Variants in PBX1 observed in about 807,000 individuals in gnomAD.
The protein encoded by PBX1 is pre-B-cell leukemia transcription factor 1.
A neutral mutation model predicts 53.4 loss-of-function variants in PBX1; 6 were observed. The observed-to-expected ratio is 0.11, with a 90% confidence interval of 0.06 to 0.22. PBX1 has a LOEUF of 0.22. PBX1 is among the 10% of genes least tolerant of loss of function. The probability of loss-of-function intolerance (pLI) is 1.00; values close to 1 mark genes in which losing one functional copy is unlikely to be tolerated. For synonymous variants in PBX1, 204 were observed against 212.3 expected, an observed-to-expected ratio of 0.96 and a Z score of 0.34; for missense variants, 251 against 551.4, an observed-to-expected ratio of 0.46 and a Z score of 5.46.
At chr1:164,855,575 A>G (rs1052136486), downstream of PBX1, among the ~76,000 whole-genome samples, 1 of 152,230 alleles carries the variant, frequency 6.6e-6, no homozygotes, top group African/African-American at 2.4e-5. Context: ...AGACTCCTAC[A>G]GCACAATTAC....
intron 4 of PBX1, among the ~76,000 whole-genome samples, chr1:164,805,840 A>T (rs1669320370): frequency 6.6e-6 from 1 of 152,154 alleles, no homozygotes; most frequent in Admixed American, 6.6e-5. Context: ...ACTCAGCATG[A>T]TTTAGGAGAG....
At chr1:164,644,094 A>C (rs1398481301) in intron 2 of PBX1, among the ~76,000 whole-genome samples, 1 of 152,092 alleles carries the variant, frequency 6.6e-6, no homozygotes, top group East Asian at 1.9e-4. Flanking sequence ...TGATGTCCCT[A>C]GTTTCTATGT....
chr1:164,610,655 G>A (rs374830055), intron 2 of PBX1, among the ~76,000 whole-genome samples: 2 of 152,174 alleles, frequency 1.3e-5, no homozygotes, highest in Non-Finnish European at 2.9e-5. Flanking sequence ...GTGTCCCTGT[G>A]TTCTCTGGTT....
chr1:164,646,133 T>C (rs1659440810), intron 2 of PBX1, among the ~76,000 whole-genome samples: 1 of 152,236 alleles, frequency 6.6e-6, no homozygotes, highest in South Asian at 2.1e-4. Context: ...CTTTTCTTGA[T>C]GGCATTTTGG....
At chr1:164,784,374 C>T (rs532996342) in intron 2 of PBX1, among the ~76,000 whole-genome samples, 2 of 152,370 alleles carry the variant, frequency 1.3e-5, no homozygotes, top group East Asian at 3.9e-4. Context: ...CATTAGCTTT[C>T]TCCCTGCCAG....
intron 3 of PBX1, among the ~76,000 whole-genome samples, chr1:164,793,875 T>TTC (rs1402888737): frequency 2.2e-5 from 3 of 136,742 alleles, no homozygotes; most frequent in African/African-American, 8.3e-5. Context: ...TTCCTTTCTT[T>TTC]TTTTTTTTTT....
At chr1:164,658,406 C>T (rs1043167246) in intron 2 of PBX1, among the ~76,000 whole-genome samples, 5 of 152,086 alleles carry the variant, frequency 3.3e-5, no homozygotes, top group Non-Finnish European at 7.3e-5. Context: ...CAGTTCTTGC[C>T]TTTCCAAGAA....
intron 2 of PBX1, among the ~76,000 whole-genome samples, chr1:164,573,729 A>G (rs1181757194): frequency 1.3e-5 from 2 of 151,948 alleles, no homozygotes; most frequent in Admixed American, 6.6e-5. Flanking sequence ...CAGGTGATCC[A>G]CCCACCTTGG....
chr1:164,835,237 TG>T (rs1454233918), intron 8 of PBX1, among the ~76,000 whole-genome samples: 6 of 128,054 alleles, frequency 4.7e-5, no homozygotes, highest in African/African-American at 1.7e-4. Flanking sequence ...CTTTTGATTT[TG>T]GTTTTTTTTT....
chr1:164,703,246 G>T (rs1663236874), intron 2 of PBX1: 3 of 152,154 alleles, frequency 2.0e-5, no homozygotes, highest in Non-Finnish European at 4.4e-5. Context: ...GAATTCTTGG[G>T]CTGGAGTGAT....
At chr1:164,688,451 T>G (rs1433598108) in intron 2 of PBX1, among the ~76,000 whole-genome samples, 2 of 152,118 alleles carry the variant, frequency 1.3e-5, no homozygotes, top group East Asian at 3.9e-4. Context: ...TAACTGAAAT[T>G]TCTTCAGTTC....
chr1:164,766,492 C>T (rs938518305), intron 2 of PBX1, among the ~76,000 whole-genome samples: 9 of 152,098 alleles, frequency 5.9e-5, no homozygotes, highest in African/African-American at 2.2e-4. Flanking sequence ...CTAGGAAGGG[C>T]TCCTGAGGAA....
intron 8 of PBX1, among the ~76,000 whole-genome samples, chr1:164,823,836 G>A (rs1178056616): frequency 6.6e-6 from 1 of 152,084 alleles, no homozygotes; most frequent in African/African-American, 2.4e-5. Flanking sequence ...TTAATATGCA[G>A]GGTAAATGAA....
At chr1:164,756,162 CTT>C (rs746040504) in intron 2 of PBX1, among the ~76,000 whole-genome samples, 7 of 152,236 alleles carry the variant, frequency 4.6e-5, no homozygotes, top group Non-Finnish European at 7.4e-5. Flanking sequence ...TGCACTGTAG[CTT>C]TTGATGTAAG....
intron 1 of PBX1, among the ~76,000 whole-genome samples, chr1:164,561,171 C>G (rs545661367): frequency 2.0e-5 from 3 of 152,120 alleles, no homozygotes; most frequent in Non-Finnish European, 4.4e-5. Context: ...CTTTGAAAAC[C>G]CTGTAAACAA....
chr1:164,870,270 T>TTCC (rs1672331601), intron 2 of PBX1, among the ~76,000 whole-genome samples: 55 of 21,448 alleles, frequency 2.6e-3, no homozygotes, highest in Admixed American at 9.9e-3. Flanking sequence ...TCCTTCCTTC[T>TTCC]TTCTTTCTTT....
At chr1:164,813,653 G>A (rs1669732944) in intron 6 of PBX1, 1 of 152,174 alleles carries the variant, frequency 6.6e-6, no homozygotes, top group Admixed American at 6.5e-5. Flanking sequence ...CTCCTGCAAA[G>A]GTTATCATAA....
At chr1:164,866,643 G>C (rs1672226215) in intron 2 of PBX1, among the ~76,000 whole-genome samples, 1 of 152,158 alleles carries the variant, frequency 6.6e-6, no homozygotes, top group Non-Finnish European at 1.5e-5. Context: ...GCTCCAGTCA[G>C]AGTAACTGTA....
intron 2 of PBX1, among the ~76,000 whole-genome samples, chr1:164,729,459 G>A (rs1468560512): frequency 6.6e-6 from 1 of 151,976 alleles, no homozygotes; most frequent in Admixed American, 6.6e-5. Context: ...TGGATATCAA[G>A]ATTTCAAAGA....
Sources: allele counts gnomAD v4.1 joint callset (sites outside exome capture counted in the v4.1 genomes callset), GRCh38; gene constraint gnomAD v4.1.1; transcripts MANE v1.5; gene names NCBI Gene and HGNC (gene_info 2026-07-23, HGNC 2026-07-21).